KCTD16: variants seen among roughly 807,000 people sequenced by gnomAD.
The protein encoded by KCTD16 is BTB/POZ domain-containing protein KCTD16.
In KCTD16, 13 loss-of-function variants were observed where a neutral mutation model predicts 33.2. The observed-to-expected ratio is 0.39, with a 90% CI of 0.25 to 0.62. The LOEUF is 0.62. Among genes scored for constraint, KCTD16 ranks in the 20% least tolerant of loss-of-function variants. The pLI, the probability that KCTD16 is intolerant of heterozygous loss-of-function variation, is 0.50. For missense variants in KCTD16, 441 were observed against 525.1 expected (o/e 0.84, Z 1.57); for synonymous variants, 197 against 195.3 (o/e 1.01, Z -0.07).
intron 3 of KCTD16, among the ~76,000 whole-genome samples, chr5:144,261,184 A>G (rs1254895923): frequency 1.1e-4 from 15 of 141,832 alleles, no homozygotes; most frequent in East Asian, 2.0e-4. Context: ...AAAAAAAAAA[A>G]GAAAAAAAAA....
intron 3 of KCTD16, among the ~76,000 whole-genome samples, chr5:144,380,783 G>T (rs916709514): frequency 6.6e-6 from 1 of 152,074 alleles, no homozygotes; most frequent in Non-Finnish European, 1.5e-5. Context: ...ATCGAAACTG[G>T]ACTACTTCCT....
intron 3 of KCTD16, among the ~76,000 whole-genome samples, chr5:144,449,164 G>T (rs1217239846): frequency 1.3e-5 from 2 of 151,938 alleles, no homozygotes; most frequent in African/African-American, 4.8e-5. Context: ...AGAGCAGATG[G>T]TCTCTTTTTC....
intron 3 of KCTD16, among the ~76,000 whole-genome samples, chr5:144,255,764 C>T (rs1310999761): frequency 2.0e-5 from 3 of 152,150 alleles, no homozygotes; most frequent in Non-Finnish European, 4.4e-5. Context: ...CTTCACTTTG[C>T]TCCAGACAAT....
At chr5:144,279,307 A>G (rs1755539063) in intron 3 of KCTD16, among the ~76,000 whole-genome samples, 1 of 152,144 alleles carries the variant, frequency 6.6e-6, no homozygotes, top group East Asian at 1.9e-4. Context: ...TTTTGTACCA[A>G]TCGCAATGAC....
At chr5:144,358,150 C>A (rs1432914832) in intron 3 of KCTD16, among the ~76,000 whole-genome samples, 1 of 141,684 alleles carries the variant, frequency 7.1e-6, no homozygotes, top group Non-Finnish European at 1.5e-5. Context: ...TTCAGCCTGG[C>A]CTCAAATTCC....
intron 2 of KCTD16, among the ~76,000 whole-genome samples, chr5:144,193,196 C>T (rs1752876960): frequency 6.6e-6 from 1 of 152,200 alleles, no homozygotes; most frequent in African/African-American, 2.4e-5. Flanking sequence ...CAGCCAAAGT[C>T]ACCTTTTAAA....
At chr5:144,320,391 A>C (rs1038673140) in intron 3 of KCTD16, among the ~76,000 whole-genome samples, 4 of 152,218 alleles carry the variant, frequency 2.6e-5, no homozygotes, top group African/African-American at 9.6e-5. Flanking sequence ...TGGCAAAGAA[A>C]GAAAAGCTCT....
intron 2 of KCTD16, among the ~76,000 whole-genome samples, chr5:144,197,108 G>T (rs1752953734): frequency 6.6e-6 from 1 of 152,106 alleles, no homozygotes; most frequent in Non-Finnish European, 1.5e-5. Context: ...CAGAGTAACT[G>T]ATGCATAAAA....
chr5:144,397,486 G>C (rs1353895996), intron 3 of KCTD16, among the ~76,000 whole-genome samples: 2 of 152,136 alleles, frequency 1.3e-5, no homozygotes, highest in African/African-American at 4.8e-5. Context: ...CTAGATCCCT[G>C]AGGAATTGCC....
chr5:144,220,925 A>G (rs2126803360), intron 3 of KCTD16, among the ~76,000 whole-genome samples: 1 of 150,812 alleles, frequency 6.6e-6, no homozygotes, highest in East Asian at 2.0e-4. Flanking sequence ...TGGGCGACAG[A>G]GCGAGACTAC....
chr5:144,447,854 G>A (rs1753855662), intron 3 of KCTD16, among the ~76,000 whole-genome samples: 1 of 151,984 alleles, frequency 6.6e-6, no homozygotes, highest in Non-Finnish European at 1.5e-5. Flanking sequence ...CCCCAACTTT[G>A]CTCTCTATTG....
chr5:144,247,544 C>A (rs749096741), intron 3 of KCTD16, among the ~76,000 whole-genome samples: 21 of 152,320 alleles, frequency 1.4e-4, no homozygotes, highest in Admixed American at 2.6e-4. Context: ...GTCTGAATTT[C>A]TGGCCCATAA....
intron 2 of KCTD16, among the ~76,000 whole-genome samples, chr5:144,203,306 T>C (rs1159322761): frequency 1.3e-5 from 2 of 152,158 alleles, no homozygotes; most frequent in Non-Finnish European, 2.9e-5. Flanking sequence ...ACATGTTTAG[T>C]AATCTTGAAA....
rs1755383702 is a variant in KCTD16 at position 144,274,286 on chromosome 5, A to C, written c.832+66740A>C. ...TGTAGGTTGTGGTATTCATGGTAGG[A>C]GGTCTCTCTAAACTTAAGTGTGTAG... On this transcript the variant is annotated intron_variant, in intron 3 of 3. Transcript: ENST00000512467. 3.3e-5 allele frequency among the ~76,000 whole-genome samples: 5 copies of C among 151,734 alleles called. No homozygotes were observed. The South Asian group carries it at 1.0e-3, about 32-fold the overall frequency.
At chr5:144,292,281 G>T (rs1205548472) in intron 3 of KCTD16, among the ~76,000 whole-genome samples, 1 of 152,214 alleles carries the variant, frequency 6.6e-6, no homozygotes, top group Non-Finnish European at 1.5e-5. Flanking sequence ...CTGTGAAAAT[G>T]AATGGAGGAC....
chr5:144,453,421 A>G (rs896918716), intron 3 of KCTD16, among the ~76,000 whole-genome samples: 1 of 152,054 alleles, frequency 6.6e-6, no homozygotes, highest in African/African-American at 2.4e-5. Context: ...TGTCTCCTTA[A>G]CACTTTGATG....
intron 3 of KCTD16, among the ~76,000 whole-genome samples, chr5:144,223,566 C>G (rs1291156998): frequency 4.2e-5 from 5 of 118,734 alleles, no homozygotes; most frequent in East Asian, 2.4e-4. Flanking sequence ...GATCCTAGGT[C>G]CTAGCCAAAC....
chr5:144,360,491 G>C (rs1459441770), intron 3 of KCTD16, among the ~76,000 whole-genome samples: 2 of 151,748 alleles, frequency 1.3e-5, no homozygotes, highest in Non-Finnish European at 2.9e-5. Context: ...GAGTGCAGTG[G>C]GGTGATCTCA....
intron 3 of KCTD16, among the ~76,000 whole-genome samples, chr5:144,249,375 T>G (rs556070807): frequency 6.6e-5 from 10 of 152,312 alleles, no homozygotes; most frequent in African/African-American, 2.4e-4. Context: ...TCTCATCCTC[T>G]GAAATGATTC....
Sources: gnomAD v4.1 joint callset for allele counts (sites outside exome capture counted in the v4.1 genomes callset) on GRCh38, gnomAD v4.1.1 for gene constraint, MANE v1.5 for transcripts, NCBI Gene and HGNC (gene_info 2026-07-23, HGNC 2026-07-21) for gene names.